The following NKAIN3 variants were observed in gnomAD, a reference collection of about 807,000 sequenced individuals.
The protein encoded by NKAIN3 is sodium/potassium transporting ATPase interacting 3.
In NKAIN3, 25 loss-of-function variants were observed where a neutral mutation model predicts 30.2. The observed-to-expected ratio is 0.83, with a 90% CI of 0.60 to 1.16. NKAIN3 has a LOEUF of 1.16. Ranked by LOEUF, NKAIN3 falls within the 50% of genes most tolerant of loss-of-function variation. NKAIN3 has a pLI of 0.00. For synonymous variants in NKAIN3, 91 were observed against 89.6 expected (o/e 1.02, Z -0.09); for missense variants, 225 against 254.1 (o/e 0.89, Z 0.78).
chr8:62,767,029 G>C (rs2130628690), intron 4 of NKAIN3, among the ~76,000 whole-genome samples: 1 of 152,102 alleles, frequency 6.6e-6, no homozygotes, highest in Middle Eastern at 3.4e-3. Flanking sequence ...GCAAGGAGTA[G>C]TGGACATCTA....
chr8:62,915,404 CAGT>C (rs758810607), intron 4 of NKAIN3, among the ~76,000 whole-genome samples: 12 of 152,206 alleles, frequency 7.9e-5, no homozygotes, highest in Non-Finnish European at 1.3e-4. Flanking sequence ...GAGACAGAAT[CAGT>C]AGCTAAGGAA....
At chr8:62,825,092 A>G (rs1818976638) in intron 4 of NKAIN3, among the ~76,000 whole-genome samples, 1 of 152,240 alleles carries the variant, frequency 6.6e-6, no homozygotes, top group Non-Finnish European at 1.5e-5. Flanking sequence ...CTTAGGACCA[A>G]GTCCATGGAC....
At chr8:62,780,241 G>C (rs562533806) in intron 4 of NKAIN3, among the ~76,000 whole-genome samples, 4 of 152,204 alleles carry the variant, frequency 2.6e-5, no homozygotes, top group African/African-American at 9.6e-5. Flanking sequence ...ATTGACCCAA[G>C]AAGAAGTAGA....
At position 62,968,802 on chromosome 8, in the gene NKAIN3, G is replaced by A. The variant is rs972635670; in HGVS notation, c.*3395G>A. 3.3e-5 allele frequency among the ~76,000 whole-genome samples: 5 copies of A among 152,196 alleles called. No individual in the cohort carries two copies. Among genetic ancestry groups the A allele is most frequent in the South Asian group, 2.1e-4 (1 of 4,820 alleles). On this transcript the variant is annotated 3_prime_UTR_variant, in exon 7 of 7. Transcript: ENST00000623646. ...TCTTCTGCTGACCTCGTGCAGCACC[G>A]CAGGAAGCTGGGATGCTTTCGAGCT...
chr8:62,270,670 G>T (rs1298267399), intron 1 of NKAIN3, among the ~76,000 whole-genome samples: 1 of 152,088 alleles, frequency 6.6e-6, no homozygotes, highest in East Asian at 1.9e-4. Flanking sequence ...ACCTTATCCT[G>T]CCTTTCTAAT....
intron 1 of NKAIN3, among the ~76,000 whole-genome samples, chr8:62,356,840 G>A (rs534544449): frequency 9.2e-5 from 14 of 152,068 alleles, no homozygotes; most frequent in Non-Finnish European, 1.5e-4. Flanking sequence ...GGCCAGGCAC[G>A]GTGGCTCATG....
At chr8:62,703,951 T>A (rs1046057569) in intron 3 of NKAIN3, among the ~76,000 whole-genome samples, 1 of 152,210 alleles carries the variant, frequency 6.6e-6, no homozygotes, top group African/African-American at 2.4e-5. Flanking sequence ...TCTGTTCATA[T>A]ACTCTAAAAT....
At chr8:62,511,518 G>T (rs1807813318) in intron 1 of NKAIN3, among the ~76,000 whole-genome samples, 1 of 152,118 alleles carries the variant, frequency 6.6e-6, no homozygotes, top group Non-Finnish European at 1.5e-5. Flanking sequence ...AAACAATAGT[G>T]GTGTGATGAC....
intron 3 of NKAIN3, among the ~76,000 whole-genome samples, chr8:62,669,836 T>G (rs1006951218): frequency 6.6e-6 from 1 of 152,168 alleles, no homozygotes; most frequent in African/African-American, 2.4e-5. Flanking sequence ...CAAGGAAGTG[T>G]GATTGCCTCC....
At chr8:62,561,549 A>C (rs1299429865) in intron 1 of NKAIN3, among the ~76,000 whole-genome samples, 1 of 152,184 alleles carries the variant, frequency 6.6e-6, no homozygotes, top group African/African-American at 2.4e-5. Flanking sequence ...CTTCGGGGAG[A>C]GGCCATACTG....
intron 3 of NKAIN3, among the ~76,000 whole-genome samples, chr8:62,617,399 A>G (rs1349090951): frequency 6.6e-6 from 1 of 152,224 alleles, no homozygotes; most frequent in African/African-American, 2.4e-5. Context: ...ATCTTTAATT[A>G]CTAACCCATT....
chr8:62,629,437 C>T (rs1275259666), intron 3 of NKAIN3, among the ~76,000 whole-genome samples: 2 of 152,062 alleles, frequency 1.3e-5, no homozygotes, highest in Admixed American at 6.6e-5. Flanking sequence ...AATAGTGATA[C>T]AGCAGTGAAC....
intron 1 of NKAIN3, among the ~76,000 whole-genome samples, chr8:62,288,038 C>T (rs1200530769): frequency 6.6e-6 from 1 of 152,162 alleles, no homozygotes; most frequent in Non-Finnish European, 1.5e-5. Flanking sequence ...CTTTTATTCT[C>T]AGTTTATATA....
intron 1 of NKAIN3, among the ~76,000 whole-genome samples, chr8:62,293,464 C>T (rs938493109): frequency 1.3e-5 from 2 of 152,188 alleles, no homozygotes; most frequent in East Asian, 3.9e-4. Context: ...CAGTCAGGAC[C>T]GTCAGCTGCA....
chr8:62,950,404 C>G (rs77305175), intron 5 of NKAIN3, among the ~76,000 whole-genome samples: 119 of 152,294 alleles, frequency 7.8e-4, no homozygotes, highest in African/African-American at 2.8e-3. Flanking sequence ...AGACTCATTG[C>G]TCTATCCCAT....
At chr8:62,484,590 C>T (rs954921857) in intron 1 of NKAIN3, among the ~76,000 whole-genome samples, 1 of 152,200 alleles carries the variant, frequency 6.6e-6, no homozygotes, top group African/African-American at 2.4e-5. Flanking sequence ...CGTTTACAAA[C>T]TTTCCAATCC....
rs1823945980 is a variant in NKAIN3 at position 62,976,567 on chromosome 8, C to T, written c.*11160C>T. 6.6e-6 allele frequency among the ~76,000 whole-genome samples: 1 copy of T among 152,096 alleles called. No individual in the cohort carries two copies. The highest frequency in any genetic ancestry group is 6.6e-5 in the Admixed American group (1 of 15,266). ...TATCTCTCCATCCTTTTATTTTGAG[C>T]CTATGTGTGTCTTTGCACATGAGAT... On this transcript the variant is annotated 3_prime_UTR_variant, in exon 7 of 7. Coordinates refer to ENST00000623646, the MANE Select transcript of NKAIN3 (RefSeq NM_001304533.3).
At position 62,872,804 on chromosome 8, in the gene NKAIN3, A is replaced by G. The variant is rs910670649; in HGVS notation, c.472-45649A>G. Among the ~76,000 whole-genome samples, 4 of 152,176 alleles carry G rather than the reference A, an allele frequency of 2.6e-5. No homozygotes were observed. In the South Asian group the frequency reaches 8.3e-4, roughly 32 times the overall value. On this transcript the variant is annotated intron_variant, in intron 4 of 6. Transcript: ENST00000623646. ...AAAGGAGAAATAAAATCCTTTACAG[A>G]CAAGCAAATGCTGAGGGATTTCATT...
intron 6 of NKAIN3, among the ~76,000 whole-genome samples, chr8:62,962,934 C>G (rs1823611667): frequency 6.6e-6 from 1 of 151,878 alleles, no homozygotes; most frequent in African/African-American, 2.4e-5. Flanking sequence ...TCTTGTTGCC[C>G]AGGCTGGAGT....
Sources: gnomAD v4.1 joint callset for allele counts (sites outside exome capture counted in the v4.1 genomes callset) on GRCh38, gnomAD v4.1.1 for gene constraint, MANE v1.5 for transcripts, NCBI Gene and HGNC (gene_info 2026-07-23, HGNC 2026-07-21) for gene names.